Variants in ST6GALNAC3 observed in about 807,000 individuals in gnomAD.
ST6GALNAC3 encodes the protein ST6 N-acetylgalactosaminide alpha-2,6-sialyltransferase 3.
A neutral mutation model predicts 32.7 loss-of-function variants in ST6GALNAC3; 25 were observed. The observed-to-expected ratio is 0.76, with a 90% CI of 0.56 to 1.07. The LOEUF (loss-of-function observed/expected upper bound fraction) is 1.07. Ranked by LOEUF, ST6GALNAC3 falls within the 50% of genes least tolerant of loss-of-function variation. ST6GALNAC3 has a pLI of 0.00. For missense variants in ST6GALNAC3, 355 were observed against 382.4 expected, an observed-to-expected ratio of 0.93 and a Z score of 0.60; for synonymous variants, 129 against 133.1, an observed-to-expected ratio of 0.97 and a Z score of 0.21.
intron 1 of ST6GALNAC3, among the ~76,000 whole-genome samples, chr1:76,196,232 G>A (rs1654195154): frequency 2.0e-5 from 3 of 152,148 alleles, no homozygotes; most frequent in Admixed American, 6.5e-5. Context: ...GCAGCAGAAT[G>A]CCTTGGTGGG....
intron 3 of ST6GALNAC3, among the ~76,000 whole-genome samples, chr1:76,523,502 GA>G (rs991529079): frequency 6.6e-6 from 1 of 152,180 alleles, no homozygotes; most frequent in Admixed American, 6.5e-5. Context: ...CTGCCAGGCA[GA>G]TAGAGAGGCT....
intron 2 of ST6GALNAC3, among the ~76,000 whole-genome samples, chr1:76,388,757 GC>G (rs1652292809): frequency 6.6e-6 from 1 of 152,016 alleles, no homozygotes; most frequent in Middle Eastern, 3.2e-3. Flanking sequence ...TGTTTTTTCT[GC>G]CCATCCTTTT....
In ST6GALNAC3 at chr1:76,207,183, A is replaced by G. The variant is rs141364953; in HGVS notation, c.19-106622A>G. Among the ~76,000 whole-genome samples, 1,394 of 152,238 alleles carry G rather than the reference A, an allele frequency of 9.2e-3. 30 individuals carry two copies. The highest frequency in any genetic ancestry group is 0.032 in the African/African-American group (1,332 of 41,536). Reference sequence around the variant, plus strand: ...GTTCCACAAAGTAGGTGTTAACCCCATTTTACAAATTGGAGCCCAAATTGC... The same window carrying G: ...GTTCCACAAAGTAGGTGTTAACCCCGTTTTACAAATTGGAGCCCAAATTGC... On this transcript the variant is annotated intron_variant, in intron 1 of 4. Coordinates refer to ENST00000328299, the MANE Select transcript of ST6GALNAC3 (RefSeq NM_152996.4).
chr1:76,457,721 A>T (rs895450053), intron 3 of ST6GALNAC3, among the ~76,000 whole-genome samples: 5 of 152,198 alleles, frequency 3.3e-5, no homozygotes, highest in Admixed American at 2.6e-4. Flanking sequence ...TACACCTTAT[A>T]CAAAAATTAA....
chr1:76,475,091 A>G (rs1659265901), intron 3 of ST6GALNAC3, among the ~76,000 whole-genome samples: 1 of 152,174 alleles, frequency 6.6e-6, no homozygotes, highest in Non-Finnish European at 1.5e-5. Flanking sequence ...GAAGCTGGGA[A>G]TGCTGAGGTG....
At chr1:76,298,521 G>A (rs1195883228) in intron 1 of ST6GALNAC3, among the ~76,000 whole-genome samples, 3 of 151,962 alleles carry the variant, frequency 2.0e-5, no homozygotes, top group Admixed American at 6.6e-5. Flanking sequence ...AACTAAACCC[G>A]GATGGAACAC....
intron 1 of ST6GALNAC3, among the ~76,000 whole-genome samples, chr1:76,271,948 C>T (rs953405223): frequency 2.0e-5 from 3 of 151,994 alleles, no homozygotes; most frequent in Admixed American, 6.6e-5. Flanking sequence ...AGACCCCTTC[C>T]GAGGCCAAGT....
intron 3 of ST6GALNAC3, among the ~76,000 whole-genome samples, chr1:76,500,243 G>T (rs962394902): frequency 6.6e-6 from 1 of 151,888 alleles, no homozygotes; most frequent in African/African-American, 2.4e-5. Flanking sequence ...ATACATTTTT[G>T]ACATTAGTCT....
chr1:76,245,385 G>A (rs554170066), intron 1 of ST6GALNAC3, among the ~76,000 whole-genome samples: 2 of 152,152 alleles, frequency 1.3e-5, no homozygotes, highest in African/African-American at 2.4e-5. Context: ...AACAGGTCCT[G>A]GATTCATTGA....
Position 76,454,238 on chromosome 1 carries a change from A to C in ST6GALNAC3, c.623+41821A>C, listed in dbSNP as rs373774339. ...TTAGTGAATTCTTATCCATTCTGCC[A>C]CTCTTTACCTTTTATGTGGAACATT... On this transcript the variant is annotated intron_variant, in intron 3 of 4. Coordinates refer to ENST00000328299, the MANE Select transcript of ST6GALNAC3 (RefSeq NM_152996.4). Among the ~76,000 whole-genome samples, 10 of 152,080 alleles carry C rather than the reference A, an allele frequency of 6.6e-5. No homozygotes were observed. The East Asian group carries it at 1.9e-3, about 29-fold the overall frequency.
intron 3 of ST6GALNAC3, among the ~76,000 whole-genome samples, chr1:76,425,222 T>G (rs1655288566): frequency 6.6e-6 from 1 of 151,968 alleles, no homozygotes; most frequent in South Asian, 2.1e-4. Flanking sequence ...GATCAGATAC[T>G]GTTTTCATTT....
At chr1:76,441,371 A>G (rs1273802838) in intron 3 of ST6GALNAC3, among the ~76,000 whole-genome samples, 2 of 152,202 alleles carry the variant, frequency 1.3e-5, no homozygotes, top group Admixed American at 6.5e-5. Context: ...CAATAAGGCA[A>G]GTGAAGCTCA....
chr1:76,418,823 C>G (rs1471634624), intron 3 of ST6GALNAC3, among the ~76,000 whole-genome samples: 1 of 151,860 alleles, frequency 6.6e-6, no homozygotes, highest in East Asian at 1.9e-4. Flanking sequence ...TGTTTTCACG[C>G]TAACAAGCAT....
chr1:76,602,667 G>C (rs1432666802), intron 3 of ST6GALNAC3, among the ~76,000 whole-genome samples: 1 of 151,934 alleles, frequency 6.6e-6, no homozygotes, highest in Non-Finnish European at 1.5e-5. Flanking sequence ...AGAAAAGATG[G>C]ATGCATTTGA....
chr1:76,636,152 C>G (rs1368449752), downstream of ST6GALNAC3, among the ~76,000 whole-genome samples: 1 of 152,176 alleles, frequency 6.6e-6, no homozygotes, highest in African/African-American at 2.4e-5. Flanking sequence ...ATATATTGCT[C>G]TAGGTCATAT....
chr1:76,157,922 G>A (rs1382735679), intron 1 of ST6GALNAC3, among the ~76,000 whole-genome samples: 2 of 152,164 alleles, frequency 1.3e-5, no homozygotes, highest in East Asian at 3.8e-4. Flanking sequence ...TCCACTTGAG[G>A]ACTCTGACCT....
intron 2 of ST6GALNAC3, among the ~76,000 whole-genome samples, chr1:76,375,820 A>G (rs1447728215): frequency 6.6e-6 from 1 of 152,248 alleles, no homozygotes; most frequent in Non-Finnish European, 1.5e-5. Flanking sequence ...TGCAGCTATT[A>G]AAACAAGGAA....
rs570758609 is a variant in ST6GALNAC3 at position 76,316,446 on chromosome 1, T to C, written c.213+2447T>C. ...ATACATTTGGAATACCATACAGCAA[T>C]GGCGATGAAGAAACTGCAAGTATAT... is the stretch of plus-strand genomic sequence containing the variant. On this transcript the variant is annotated intron_variant, in intron 2 of 4. Coordinates refer to ENST00000328299, the MANE Select transcript of ST6GALNAC3 (RefSeq NM_152996.4). Among the ~76,000 whole-genome samples the C allele has an allele frequency of 2.6e-5, 4 of 152,198 alleles. No homozygotes were observed. In the South Asian group the frequency reaches 8.3e-4, roughly 32 times the overall value.
intron 2 of ST6GALNAC3, among the ~76,000 whole-genome samples, chr1:76,327,101 A>G (rs902235351): frequency 6.6e-6 from 1 of 152,142 alleles, no homozygotes; most frequent in Non-Finnish European, 1.5e-5. Context: ...TTTTTATCAG[A>G]TGACTTCCTG....
Sources: gnomAD v4.1 joint callset for allele counts (sites outside exome capture counted in the v4.1 genomes callset) on GRCh38, gnomAD v4.1.1 for gene constraint, MANE v1.5 for transcripts, NCBI Gene and HGNC (gene_info 2026-07-23, HGNC 2026-07-21) for gene names.